GLIS3: variants seen among roughly 807,000 people sequenced by gnomAD.
The protein encoded by GLIS3 is GLIS family zinc finger 3.
A neutral mutation model predicts 78.6 loss-of-function variants in GLIS3; 53 were observed. That is an observed-to-expected ratio of 0.67 (90% CI 0.54 to 0.85). The LOEUF (loss-of-function observed/expected upper bound fraction) is 0.85, where lower values mean the gene tolerates loss of function less well. GLIS3 is among the 40% of genes least tolerant of loss of function. The probability of loss-of-function intolerance (pLI) is 0.00; values close to 1 mark genes in which losing one functional copy is unlikely to be tolerated. For missense variants in GLIS3, 1,703 were observed against 1,231.1 expected (o/e 1.38, Z -5.74); for synonymous variants, 684 against 509.9 (o/e 1.34, Z -4.60).
intron 9 of GLIS3, among the ~76,000 whole-genome samples, chr9:3,833,518 C>T (rs1183190036): frequency 6.6e-6 from 1 of 150,620 alleles, no homozygotes; most frequent in Admixed American, 6.6e-5. Flanking sequence ...GATGTTAACA[C>T]ATTTTGTGGG....
the GLIS3 span, among the ~76,000 whole-genome samples, chr9:4,469,188 G>C: frequency 6.6e-6 from 1 of 152,094 alleles, no homozygotes; most frequent in African/African-American, 2.4e-5. Flanking sequence ...ATAATAATGG[G>C]AGACTTTAAC....
chr9:4,289,022 CATATGATGAAG>C (rs1433195343), intron 1 of GLIS3, among the ~76,000 whole-genome samples: 1 of 151,948 alleles, frequency 6.6e-6, no homozygotes, highest in Non-Finnish European at 1.5e-5. Flanking sequence ...TTAGCTAGGC[CATATGATGAAG>C]ATATAATCCT....
intron 2 of GLIS3, among the ~76,000 whole-genome samples, chr9:4,152,662 A>G (rs1047417619): frequency 6.6e-6 from 1 of 152,250 alleles, no homozygotes; most frequent in African/African-American, 2.4e-5. Context: ...CTTTCTACCT[A>G]TAAAATTCAA....
intron 2 of GLIS3, among the ~76,000 whole-genome samples, chr9:4,239,526 C>G (rs959163272): frequency 6.6e-6 from 1 of 152,164 alleles, no homozygotes; most frequent in Non-Finnish European, 1.5e-5. Flanking sequence ...TTTGTGACAA[C>G]CATCCCAACA....
the GLIS3 span, among the ~76,000 whole-genome samples, chr9:4,464,837 A>C: frequency 6.6e-6 from 1 of 152,244 alleles, no homozygotes; most frequent in South Asian, 2.1e-4. Context: ...GGAAATGCTG[A>C]TCTGAAGAGA....
At chr9:4,416,304 A>T in the GLIS3 span, among the ~76,000 whole-genome samples, 1 of 149,946 alleles carries the variant, frequency 6.7e-6, no homozygotes, top group Admixed American at 6.7e-5. Context: ...CTTAATATTC[A>T]ATGGAAAAAA....
At chr9:4,336,513 C>G (rs111344174) in intron 2 of GLIS3, among the ~76,000 whole-genome samples, 3 of 344 alleles carry the variant, frequency 8.7e-3, no homozygotes, top group African/African-American at 7.6e-3. Context: ...GTTGATATCA[C>G]CCTTTCTCTT....
At chr9:4,376,206 C>T in the GLIS3 span, among the ~76,000 whole-genome samples, 1 of 152,090 alleles carries the variant, frequency 6.6e-6, no homozygotes, top group Non-Finnish European at 1.5e-5. Context: ...GAAGCAGAGA[C>T]AAATGGTTCC....
intron 4 of GLIS3, among the ~76,000 whole-genome samples, chr9:4,050,875 T>C (rs2130473147): frequency 6.6e-6 from 1 of 152,292 alleles, no homozygotes; most frequent in Non-Finnish European, 1.5e-5. Flanking sequence ...AGTGTAAGCC[T>C]TCACACCTGC....
At chr9:4,225,805 C>G (rs185636993) in intron 2 of GLIS3, among the ~76,000 whole-genome samples, 5 of 152,098 alleles carry the variant, frequency 3.3e-5, no homozygotes, top group African/African-American at 4.8e-5. Context: ...ATTCATCCTA[C>G]GAGTCATGAA....
intron 2 of GLIS3, among the ~76,000 whole-genome samples, chr9:4,319,755 C>T (rs1298412908): frequency 6.6e-6 from 1 of 152,104 alleles, no homozygotes; most frequent in Non-Finnish European, 1.5e-5. Flanking sequence ...GTTTTGAACT[C>T]TGCCCTCAAG....
At chr9:4,148,152 T>G (rs1834372436) in intron 2 of GLIS3, among the ~76,000 whole-genome samples, 2 of 152,174 alleles carry the variant, frequency 1.3e-5, no homozygotes, top group African/African-American at 4.8e-5. Flanking sequence ...CAGGAATGCT[T>G]GAGCTCTTAA....
intron 2 of GLIS3, among the ~76,000 whole-genome samples, chr9:4,157,053 A>G (rs772739938): frequency 1.3e-5 from 2 of 152,202 alleles, no homozygotes; most frequent in Non-Finnish European, 2.9e-5. Context: ...TAACGCTTCC[A>G]TTAACATATA....
intron 2 of GLIS3, among the ~76,000 whole-genome samples, chr9:4,318,279 G>A (rs1366210461): frequency 6.6e-6 from 1 of 152,148 alleles, no homozygotes; most frequent in Non-Finnish European, 1.5e-5. Flanking sequence ...TTAAAGAAAT[G>A]TATATCTCCC....
intron 4 of GLIS3, among the ~76,000 whole-genome samples, chr9:4,115,823 G>T (rs1047272773): frequency 6.6e-6 from 1 of 152,054 alleles, no homozygotes; most frequent in African/African-American, 2.4e-5. Context: ...AATGCTTTGT[G>T]GTCCTAGATT....
chr9:3,844,751 C>A (rs1210698753), intron 9 of GLIS3, among the ~76,000 whole-genome samples: 1 of 152,148 alleles, frequency 6.6e-6, no homozygotes, highest in South Asian at 2.1e-4. Flanking sequence ...CAGGTCCTAG[C>A]TCTTGTTATT....
At chr9:4,379,563 T>C in the GLIS3 span, among the ~76,000 whole-genome samples, 1 of 152,308 alleles carries the variant, frequency 6.6e-6, no homozygotes, top group South Asian at 2.1e-4. Flanking sequence ...GATTTCAGGA[T>C]CTGGGAGCTA....
intron 4 of GLIS3, among the ~76,000 whole-genome samples, chr9:3,966,962 T>C (rs1382732140): frequency 1.4e-5 from 2 of 140,410 alleles, no homozygotes; most frequent in African/African-American, 5.2e-5. Context: ...TCATATCCAT[T>C]TACAGTTAAT....
the GLIS3 span, among the ~76,000 whole-genome samples, chr9:4,358,516 T>G: frequency 1.3e-5 from 2 of 152,332 alleles, no homozygotes; most frequent in South Asian, 4.1e-4. Flanking sequence ...AGCATTTTTG[T>G]GTACCTACTA....
Sources: gnomAD v4.1 joint callset for allele counts (sites outside exome capture counted in the v4.1 genomes callset) on GRCh38, gnomAD v4.1.1 for gene constraint, MANE v1.5 for transcripts, NCBI Gene and HGNC (gene_info 2026-07-23, HGNC 2026-07-21) for gene names.